CUX1: variants seen among roughly 807,000 people sequenced by gnomAD.
CUX1 encodes the protein protein CASP.
In CUX1, 31 loss-of-function variants were observed where a neutral mutation model predicts 158.8. That is an observed-to-expected ratio of 0.20 (90% CI 0.15 to 0.26). CUX1 has a LOEUF of 0.26. CUX1 is among the 10% of genes least tolerant of loss of function. The probability of loss-of-function intolerance (pLI) is 1.00; values close to 1 mark genes in which losing one functional copy is unlikely to be tolerated. For synonymous variants in CUX1, 879 were observed against 862.1 expected (o/e 1.02, Z -0.34); for missense variants, 1,589 against 2,014.6 (o/e 0.79, Z 4.04).
At chr7:101,993,721 C>T (rs555524402) in intron 2 of CUX1, among the ~76,000 whole-genome samples, 3 of 152,344 alleles carry the variant, frequency 2.0e-5, no homozygotes, top group African/African-American at 7.2e-5. Context: ...GCCTTTTCCT[C>T]TCCCTAACTC....
chr7:101,943,068 C>A (rs1285874224), intron 2 of CUX1, among the ~76,000 whole-genome samples: 1 of 147,158 alleles, frequency 6.8e-6, no homozygotes, highest in Non-Finnish European at 1.5e-5. Context: ...CCTCTCCATC[C>A]TGGTCAGTGC....
At chr7:102,023,272 G>C (rs889898672) in intron 2 of CUX1, among the ~76,000 whole-genome samples, 8 of 152,114 alleles carry the variant, frequency 5.3e-5, no homozygotes, top group Non-Finnish European at 1.2e-4. Context: ...TTGTTCCACT[G>C]TGGTTTTGGC....
chr7:102,022,038 C>T (rs952462048), intron 2 of CUX1, among the ~76,000 whole-genome samples: 1 of 152,112 alleles, frequency 6.6e-6, no homozygotes, highest in East Asian at 1.9e-4. Context: ...CCCTGGCACG[C>T]GACTCTGGGA....
intron 1 of CUX1, among the ~76,000 whole-genome samples, chr7:101,876,191 A>C (rs1295377270): frequency 6.6e-6 from 1 of 152,028 alleles, no homozygotes. Context: ...ACTAAAAATA[A>C]AAAATTAACC....
At position 102,014,551 on chromosome 7, in the gene CUX1, C is replaced by T. The variant is rs150958369; in HGVS notation, c.142-13547C>T. On this transcript the variant is annotated intron_variant, in intron 2 of 23. Coordinates refer to ENST00000292535, the MANE Select transcript of CUX1 (RefSeq NM_181552.4). The stretch of plus-strand genomic sequence containing the variant: ...TTCTTGGCTGCAGTGACGTTAGGTC[C>T]GCTTCCTAGCCGCGTGCTGCTCTGC... 2.3e-4 allele frequency among the ~76,000 whole-genome samples: 35 copies of T among 152,240 alleles called. No homozygotes were observed. In the East Asian group the frequency reaches 5.4e-3, roughly 24 times the overall value.
intron 4 of CUX1, 140 bp downstream of exon 4, chr7:102,070,557 T>G: frequency 1.6e-6 from 1 of 634,722 alleles, no homozygotes; most frequent in Middle Eastern, 2.8e-4. Context: ...AACCAGGGAG[T>G]GCAGGACACA....
At position 102,020,407 on chromosome 7, in the gene CUX1, A is replaced by C. The variant is rs142344314; in HGVS notation, c.142-7691A>C. On this transcript the variant is annotated intron_variant, in intron 2 of 23. Transcript: ENST00000292535. ...TTAAGTTGAGGTCTACAGTCCACATATCATATAATATATATTGTCTTGTTT... is the reference window on the plus strand; with the variant it reads ...TTAAGTTGAGGTCTACAGTCCACATCTCATATAATATATATTGTCTTGTTT... 3.6e-3 allele frequency among the ~76,000 whole-genome samples: 551 copies of C among 152,128 alleles called. 11 individuals carry two copies. Among genetic ancestry groups the C allele is most frequent in the Admixed American group, 0.028 (430 of 15,270 alleles).
chr7:102,281,624 C>G (rs989598971), intron 20 of CUX1, among the ~76,000 whole-genome samples: 2 of 152,054 alleles, frequency 1.3e-5, no homozygotes, highest in Non-Finnish European at 2.9e-5. Flanking sequence ...GATCACACCA[C>G]TGCACTCCAG....
At chr7:102,079,800 T>C (rs782764420) in intron 4 of CUX1, among the ~76,000 whole-genome samples, 14 of 152,108 alleles carry the variant, frequency 9.2e-5, no homozygotes, top group Non-Finnish European at 1.6e-4. Context: ...TCTGGAAGAA[T>C]AAAGCCCTGT....
chr7:102,191,451 T>C (rs988368931), intron 12 of CUX1, among the ~76,000 whole-genome samples: 2 of 152,142 alleles, frequency 1.3e-5, no homozygotes, highest in Non-Finnish European at 2.9e-5. Flanking sequence ...CAGGCTGGTC[T>C]CAATCTCCCG....
chr7:101,982,682 C>T (rs1379967898), intron 2 of CUX1, among the ~76,000 whole-genome samples: 2 of 151,922 alleles, frequency 1.3e-5, no homozygotes, highest in Admixed American at 1.3e-4. Context: ...CTGCCTCGGC[C>T]TCTCAAAGTG....
chr7:101,816,128 G>A (rs373131634), upstream of CUX1: 5 of 1,270,386 alleles, frequency 3.9e-6, no homozygotes, highest in African/African-American at 4.8e-5. Flanking sequence ...CGCGCCCGGG[G>A]GTGGGGGCTG....
chr7:101,841,188 C>T (rs150107420), intron 1 of CUX1, among the ~76,000 whole-genome samples: 3 of 152,090 alleles, frequency 2.0e-5, no homozygotes, highest in African/African-American at 4.8e-5. Context: ...CCACCACGCC[C>T]GGCAGGTTTT....
chr7:102,228,482 G>A (rs186395933), intron 21 of CUX1, among the ~76,000 whole-genome samples: 53 of 152,176 alleles, frequency 3.5e-4, no homozygotes, highest in African/African-American at 1.2e-3. Flanking sequence ...AACATAGCAA[G>A]ACCCCTTCTC....
chr7:102,242,779 C>T (rs369547), intron 23 of CUX1, among the ~76,000 whole-genome samples: 2 of 152,064 alleles, frequency 1.3e-5, no homozygotes, highest in African/African-American at 4.8e-5. Flanking sequence ...TACACACCCT[C>T]GGGTTTCTCA....
rs530702485 is a variant in CUX1, at chr7:102,251,615, C to G, written c.*2573C>G. 32 of 985,346 alleles carry G rather than the reference C, an allele frequency of 3.2e-5. No homozygotes were observed. In the South Asian group the frequency reaches 1.2e-3, roughly 36 times the overall value. The allele number at this position is 985,346 out of a possible 1,614,324, so 61.0% of individuals were successfully genotyped here. ...TAGAGGAGCTTAAGGGGACACGGGT[C>G]AACATCTAGCTCGATTCAGGTGCAT... is the stretch of plus-strand genomic sequence containing the variant. On this transcript the variant is annotated 3_prime_UTR_variant, in exon 24 of 24. Transcript: ENST00000292535.
chr7:102,146,936 A>G (rs1208023460), intron 8 of CUX1, among the ~76,000 whole-genome samples: 1 of 152,108 alleles, frequency 6.6e-6, no homozygotes, highest in Non-Finnish European at 1.5e-5. Context: ...TATCATTTAA[A>G]TTAGTATAAT....
chr7:102,252,851 C>CA lies in CUX1; in HGVS notation c.*3811dup. ...GTTATCAGAGCCATGGAGCTTAGCT[C>CA]AATTGGATTCTTCTAGACGATCTTA... is the stretch of plus-strand genomic sequence containing the variant. On this transcript the variant is annotated 3_prime_UTR_variant, in exon 24 of 24. Coordinates refer to ENST00000292535, the MANE Select transcript of CUX1 (RefSeq NM_181552.4). 2.0e-6 allele frequency: 2 copies of CA among 985,454 alleles called. No individual in the cohort carries two copies. The highest frequency in any genetic ancestry group is 2.4e-6 in the Non-Finnish European group (2 of 829,954). The allele number at this position is 985,454 out of a possible 1,614,324, so 61.0% of individuals were successfully genotyped here. A position where few individuals can be genotyped will look rare whatever the true frequency, so the allele number is the denominator to read the frequency against.
intron 3 of CUX1, among the ~76,000 whole-genome samples, chr7:102,037,094 A>G (rs1821523554): frequency 6.6e-6 from 1 of 152,164 alleles, no homozygotes. Context: ...TGGAAGGCTG[A>G]GGTGGGATGA....
Sources: gnomAD v4.1 joint callset for allele counts (sites outside exome capture counted in the v4.1 genomes callset) on GRCh38, gnomAD v4.1.1 for gene constraint, MANE v1.5 for transcripts, NCBI Gene and HGNC (gene_info 2026-07-23, HGNC 2026-07-21) for gene names.